The following JAK1 variants were observed in gnomAD, a reference collection of about 807,000 sequenced individuals.
JAK1 encodes tyrosine-protein kinase JAK1.
In JAK1, 16 loss-of-function variants were observed where a neutral mutation model predicts 136.6. The ratio of observed to expected loss-of-function variants is 0.12; its 90% CI spans 0.08 to 0.18. The LOEUF is 0.18. Ranked by LOEUF, JAK1 falls within the 10% of genes least tolerant of loss-of-function variation. The pLI, the probability that JAK1 is intolerant of heterozygous loss-of-function variation, is 1.00. For synonymous variants in JAK1, 492 were observed against 519.5 expected (o/e 0.95, Z 0.72); for missense variants, 859 against 1,450.1 (o/e 0.59, Z 6.62).
chr1:64,896,936 A>C (rs61784703), intron 1 of JAK1, among the ~76,000 whole-genome samples: 9,506 of 152,254 alleles, frequency 0.062, 613 homozygotes, highest in African/African-American at 0.16. Flanking sequence ...ATTTGCAAAT[A>C]AGGATAATCA....
chr1:65,005,302 C>T (rs368772792), intron 2 of JAK1, among the ~76,000 whole-genome samples: 5 of 151,988 alleles, frequency 3.3e-5, no homozygotes, highest in South Asian at 4.1e-4. Context: ...CGAGATCACG[C>T]CATTGCTCTC....
intron 1 of JAK1, among the ~76,000 whole-genome samples, chr1:64,965,137 A>G (rs1288860761): frequency 6.6e-6 from 1 of 152,230 alleles, no homozygotes; most frequent in Non-Finnish European, 1.5e-5. Flanking sequence ...AGCCAAAACC[A>G]AACACGCCCT....
chr1:64,966,672 C>T (rs1004478989), upstream of JAK1, among the ~76,000 whole-genome samples: 5 of 149,470 alleles, frequency 3.3e-5, no homozygotes, highest in Admixed American at 2.0e-4. Flanking sequence ...GCGGTCCCGG[C>T]GGAGACTCTG....
At chr1:64,946,773 A>G (rs1395844813) in intron 1 of JAK1, among the ~76,000 whole-genome samples, 1 of 88,060 alleles carries the variant, frequency 1.1e-5, no homozygotes, top group Non-Finnish European at 2.0e-5. Context: ...CCATGTTCAT[A>G]GAAATATCAT....
intron 1 of JAK1, among the ~76,000 whole-genome samples, chr1:64,901,055 T>C (rs756671239): frequency 6.6e-6 from 1 of 152,226 alleles, no homozygotes; most frequent in Non-Finnish European, 1.5e-5. Flanking sequence ...CCTAACTGTC[T>C]GTAGAATCAT....
At chr1:64,910,268 T>C (rs1018213666) in intron 1 of JAK1, among the ~76,000 whole-genome samples, 2 of 152,174 alleles carry the variant, frequency 1.3e-5, no homozygotes, top group African/African-American at 4.8e-5. Flanking sequence ...GGAAAGTTAT[T>C]TGTAGTCTAC....
intron 1 of JAK1, among the ~76,000 whole-genome samples, chr1:64,961,326 T>C (rs745578790): frequency 9.2e-5 from 14 of 152,188 alleles, no homozygotes; most frequent in Non-Finnish European, 1.8e-4. Flanking sequence ...TAAAAGGCGT[T>C]TTCTGGGATG....
intron 1 of JAK1, among the ~76,000 whole-genome samples, chr1:64,957,019 T>C (rs1181404083): frequency 2.0e-5 from 3 of 152,050 alleles, no homozygotes; most frequent in Admixed American, 2.0e-4. Flanking sequence ...TTTAGATAAC[T>C]AGGGCAGAAA....
rs116404729 is a variant in JAK1, at chr1:65,044,184, A to G, written c.-78+296T>C. On this transcript the variant is annotated intron_variant, in intron 2 of 25. Coordinates refer to the JAK1 transcript ENST00000671954. Reference sequence around the variant, plus strand: ...ATTTACGTAACATTTTTGAAAGGACATAATTTTAGAAAGCAAGGATAGACT... The same window carrying G: ...ATTTACGTAACATTTTTGAAAGGACGTAATTTTAGAAAGCAAGGATAGACT... Among the ~76,000 whole-genome samples the G allele has an allele frequency of 3.1e-3, 479 of 152,288 alleles. 6 individuals carry two copies. The highest frequency in any genetic ancestry group is 0.011 in the African/African-American group (465 of 41,562).
intron 2 of JAK1, among the ~76,000 whole-genome samples, chr1:65,010,456 C>T (rs1008281314): frequency 6.6e-6 from 1 of 152,190 alleles, no homozygotes; most frequent in African/African-American, 2.4e-5. Flanking sequence ...AAACTAAAGC[C>T]TCCTGCTAAT....
In JAK1 at chr1:64,961,735, T is replaced by C. The variant is rs1569750430; in HGVS notation, c.-78+4598A>G. Among the ~76,000 whole-genome samples, 4 of 152,266 alleles carry C rather than the reference T, an allele frequency of 2.6e-5. 1 individual carries two copies. The South Asian group carries it at 8.3e-4, about 32-fold the overall frequency. On this transcript the variant is annotated intron_variant, in intron 1 of 24. Coordinates refer to ENST00000342505, the MANE Select transcript of JAK1 (RefSeq NM_002227.4). The stretch of plus-strand genomic sequence containing the variant: ...AAACAAAGGAACTCCTACTCACTCC[T>C]GAAGGCCCAACTCAAATGAAGCCTC...
intron 1 of JAK1, among the ~76,000 whole-genome samples, chr1:64,893,366 C>G (rs1008991764): frequency 1.3e-5 from 2 of 152,134 alleles, no homozygotes; most frequent in Non-Finnish European, 2.9e-5. Flanking sequence ...TTGAGCAAGC[C>G]TCTTAACCTC....
intron 2 of JAK1, chr1:64,992,218 A>G (rs1046071811): frequency 5.9e-5 from 9 of 151,944 alleles, no homozygotes. Context: ...CGCCTCTACT[A>G]AAAATACAAG....
In JAK1 at chr1:64,957,302, C is replaced by T. The variant is rs567395756; in HGVS notation, c.-78+9031G>A. Among the ~76,000 whole-genome samples, 12 of 152,256 alleles carry T rather than the reference C, an allele frequency of 7.9e-5. No homozygotes were observed. The East Asian group carries it at 1.5e-3, about 20-fold the overall frequency. On this transcript the variant is annotated intron_variant, in intron 1 of 24. Transcript: ENST00000342505. ...ACCCTGCTTAAAAACTTCAACTTCCCCTAATGCATTATAAGGCCCAAAAGT... is the reference window on the plus strand; with the variant it reads ...ACCCTGCTTAAAAACTTCAACTTCCTCTAATGCATTATAAGGCCCAAAAGT...
chr1:64,840,002 T>C lies in JAK1; in HGVS notation c.2650-207A>G, dbSNP rs555053984. On this transcript the variant is annotated intron_variant, in intron 19 of 24. Coordinates refer to ENST00000342505, the MANE Select transcript of JAK1 (RefSeq NM_002227.4). Reference sequence around the variant, plus strand: ...CCTCACAAACTGTCCCCTCAGTTACTGAGCCAAGACAAAGTAGCAGGTGAC... The same window carrying C: ...CCTCACAAACTGTCCCCTCAGTTACCGAGCCAAGACAAAGTAGCAGGTGAC... Among the ~76,000 whole-genome samples the C allele has an allele frequency of 4.6e-5, 7 of 152,352 alleles. No homozygotes were observed. In the South Asian group the frequency reaches 1.4e-3, roughly 32 times the overall value.
intron 1 of JAK1, among the ~76,000 whole-genome samples, chr1:64,928,423 C>T (rs1173897028): frequency 6.6e-6 from 1 of 152,188 alleles, no homozygotes; most frequent in Non-Finnish European, 1.5e-5. Flanking sequence ...CCCTTTCTCC[C>T]TGAAGCCAGC....
At chr1:65,060,072 T>A (rs1647722702) in intron 1 of JAK1, among the ~76,000 whole-genome samples, 1 of 151,916 alleles carries the variant, frequency 6.6e-6, no homozygotes, top group Admixed American at 6.6e-5. Context: ...AAGGAGGTCA[T>A]CATCTAGGTC....
At chr1:64,994,525 G>A (rs1369489236) in intron 2 of JAK1, among the ~76,000 whole-genome samples, 1 of 152,152 alleles carries the variant, frequency 6.6e-6, no homozygotes, top group Admixed American at 6.5e-5. Flanking sequence ...GGAAGGGCAA[G>A]ACAGCATGCA....
intron 8 of JAK1, among the ~76,000 whole-genome samples, chr1:64,864,461 G>C (rs1171555945): frequency 6.6e-6 from 1 of 152,222 alleles, no homozygotes; most frequent in Non-Finnish European, 1.5e-5. Flanking sequence ...GAACCCTTGG[G>C]AGGAAACACT....
Sources: gnomAD v4.1 joint callset for allele counts (sites outside exome capture counted in the v4.1 genomes callset) on GRCh38, gnomAD v4.1.1 for gene constraint, MANE v1.5 for transcripts, NCBI Gene and HGNC (gene_info 2026-07-23, HGNC 2026-07-21) for gene names.